FANCL: variants seen among roughly 807,000 people sequenced by gnomAD.
FANCL encodes the protein FA complementation group L, also known as E3 ubiquitin-protein ligase FANCL.
Under a neutral mutation model 59.4 loss-of-function variants are expected in FANCL, and 69 were observed. That is an observed-to-expected ratio of 1.16 (90% CI 0.96 to 1.42). The LOEUF (loss-of-function observed/expected upper bound fraction) is 1.42, where lower values mean the gene tolerates loss of function less well. Among genes scored for constraint, FANCL ranks in the 40% most tolerant of loss-of-function variants. The pLI is 0.00. For synonymous variants in FANCL, 180 were observed against 147.1 expected, an observed-to-expected ratio of 1.22 and a Z score of -1.62; for missense variants, 519 against 447.2, an observed-to-expected ratio of 1.16 and a Z score of -1.45.
intron 2 of FANCL, among the ~76,000 whole-genome samples, chr2:58,231,751 A>C (rs1693601639): frequency 6.6e-6 from 1 of 152,166 alleles, no homozygotes; most frequent in Admixed American, 6.5e-5. Context: ...AAAGTTTTCT[A>C]ATCCTTTTGT....
intron 1 of FANCL, among the ~76,000 whole-genome samples, chr2:58,240,970 G>A (rs1436334717): frequency 6.6e-6 from 1 of 152,200 alleles, no homozygotes; most frequent in Non-Finnish European, 1.5e-5. Context: ...GGGCTAGGGA[G>A]AGAGGAGGCG....
intron 7 of FANCL, among the ~76,000 whole-genome samples, chr2:58,176,120 A>G (rs1404833023): frequency 1.3e-5 from 2 of 151,334 alleles, no homozygotes; most frequent in African/African-American, 4.8e-5. Flanking sequence ...CTGCTCAAGG[A>G]AATAAAAGAG....
chr2:58,173,328 T>A (rs1452372365), intron 7 of FANCL, among the ~76,000 whole-genome samples: 4 of 151,968 alleles, frequency 2.6e-5, no homozygotes, highest in Non-Finnish European at 5.9e-5. Context: ...CCAAGACACA[T>A]AATTGTCAGA....
At chr2:58,229,751 G>C in intron 3 of FANCL, 63 bp downstream of exon 3, 2 of 1,247,038 alleles carry the variant, frequency 1.6e-6, no homozygotes, top group Non-Finnish European at 2.4e-6. Flanking sequence ...GGTCTTTAAA[G>C]AACAATAAAT....
At chr2:58,197,687 T>C (rs1385407257) in intron 7 of FANCL, among the ~76,000 whole-genome samples, 1 of 152,226 alleles carries the variant, frequency 6.6e-6, no homozygotes, top group African/African-American at 2.4e-5. Flanking sequence ...ATCTTCTGTA[T>C]TCTTTACTCA....
chr2:58,188,802 T>C lies in FANCL; in HGVS notation c.540+9792A>G, dbSNP rs1688652297. Among the ~76,000 whole-genome samples, 7 of 151,656 alleles carry C rather than the reference T, an allele frequency of 4.6e-5. No individual in the cohort carries two copies. The South Asian group carries it at 1.5e-3, about 32-fold the overall frequency. On this transcript the variant is annotated intron_variant, in intron 7 of 13. Transcript: ENST00000233741. ...AAAAAAAGAGCTGTTGGGATTTTGATTGCGAATGCATTGAATCTCTAGATC... is the reference window on the plus strand; with the variant it reads ...AAAAAAAGAGCTGTTGGGATTTTGACTGCGAATGCATTGAATCTCTAGATC...
At chr2:58,228,998 T>C (rs1264526522) in intron 3 of FANCL, among the ~76,000 whole-genome samples, 1 of 152,164 alleles carries the variant, frequency 6.6e-6, no homozygotes, top group Non-Finnish European at 1.5e-5. Context: ...AATTTGAACA[T>C]ATCCTTAAAA....
intron 4 of FANCL, among the ~76,000 whole-genome samples, chr2:58,222,460 T>C (rs1692581604): frequency 6.6e-6 from 1 of 152,104 alleles, no homozygotes; most frequent in Admixed American, 6.5e-5. Context: ...ACTGACATAT[T>C]TGTATACCAT....
intron 7 of FANCL, among the ~76,000 whole-genome samples, chr2:58,195,884 C>A (rs188511064): frequency 1.3e-5 from 2 of 152,166 alleles, no homozygotes; most frequent in East Asian, 3.9e-4. Context: ...GGCACATAGC[C>A]TGAAATCCAG....
chr2:58,228,846 G>C (rs1386159832), intron 3 of FANCL, among the ~76,000 whole-genome samples: 1 of 152,114 alleles, frequency 6.6e-6, no homozygotes, highest in Non-Finnish European at 1.5e-5. Context: ...GTGAAAAACA[G>C]AGTAATAGAT....
intron 7 of FANCL, among the ~76,000 whole-genome samples, chr2:58,181,480 C>A (rs1687934389): frequency 1.3e-5 from 2 of 152,100 alleles, no homozygotes; most frequent in African/African-American, 2.4e-5. Flanking sequence ...ACTTATGGAA[C>A]ACTTAAGATT....
chr2:58,190,386 A>C (rs759014427), intron 7 of FANCL, among the ~76,000 whole-genome samples: 2 of 151,780 alleles, frequency 1.3e-5, no homozygotes, highest in Admixed American at 6.6e-5. Flanking sequence ...TGAAAGAAAG[A>C]AAGCTCCTCA....
chr2:58,160,284 G>A, intron 12 of FANCL, 105 bp from the exon 13 acceptor site: 1 of 1,185,834 alleles, frequency 8.4e-7, no homozygotes, highest in Non-Finnish European at 1.3e-6. Context: ...TTTTATTCCA[G>A]AAGACTTAGC....
At chr2:58,227,902 G>A (rs1038257353) in intron 3 of FANCL, among the ~76,000 whole-genome samples, 3 of 151,534 alleles carry the variant, frequency 2.0e-5, no homozygotes, top group Non-Finnish European at 4.4e-5. Flanking sequence ...TAAAGAAGAA[G>A]AGAAAGAAGA....
At chr2:58,164,498 G>C (rs758057758) in intron 8 of FANCL, among the ~76,000 whole-genome samples, 11 of 151,928 alleles carry the variant, frequency 7.2e-5, no homozygotes, top group Non-Finnish European at 1.5e-4. Context: ...AATGGCTCCA[G>C]ACAGTACTTT....
At chr2:58,188,343 CT>C (rs1276923378) in intron 7 of FANCL, among the ~76,000 whole-genome samples, 2 of 152,080 alleles carry the variant, frequency 1.3e-5, no homozygotes, top group African/African-American at 2.4e-5. Flanking sequence ...AGTCTTCTAA[CT>C]TTTTTTCTTT....
Position 58,162,403 on chromosome 2 carries a change from C to A in FANCL, c.903+463G>T, listed in dbSNP as rs1189389943. On this transcript the variant is annotated intron_variant, in intron 11 of 13. Transcript: ENST00000233741. Reference sequence around the variant, plus strand: ...CCCCTTATTTTTAATAAATGTCTGTCATTAATGACGTCACTACTGAAGACC... The same window carrying A: ...CCCCTTATTTTTAATAAATGTCTGTAATTAATGACGTCACTACTGAAGACC... 2.0e-5 allele frequency among the ~76,000 whole-genome samples: 3 copies of A among 151,906 alleles called. No homozygotes were observed. The East Asian group carries it at 5.8e-4, about 29-fold the overall frequency.
chr2:58,169,976 C>A (rs1686393645), intron 7 of FANCL, among the ~76,000 whole-genome samples: 1 of 152,132 alleles, frequency 6.6e-6, no homozygotes, highest in Non-Finnish European at 1.5e-5. Context: ...TTAAAAAACA[C>A]TCTTCAGGAT....
chr2:58,194,518 A>G (rs1689245711), intron 7 of FANCL, among the ~76,000 whole-genome samples: 1 of 152,196 alleles, frequency 6.6e-6, no homozygotes, highest in Non-Finnish European at 1.5e-5. Context: ...TAAAGCAAAT[A>G]TCTAGAAAGA....
Sources: allele counts gnomAD v4.1 joint callset (sites outside exome capture counted in the v4.1 genomes callset), GRCh38; gene constraint gnomAD v4.1.1; transcripts MANE v1.5; gene names NCBI Gene and HGNC (gene_info 2026-07-23, HGNC 2026-07-21).